The following FOXK1 variants were observed in gnomAD, a reference collection of about 807,000 sequenced individuals.
FOXK1 encodes forkhead box K1, also known as forkhead box protein K1.
In FOXK1, 19 loss-of-function variants were observed where a neutral mutation model predicts 51.9. The observed-to-expected ratio is 0.37, with a 90% confidence interval of 0.26 to 0.54. The LOEUF is 0.54. Among genes scored for constraint, FOXK1 ranks in the 20% least tolerant of loss-of-function variants. The probability of loss-of-function intolerance (pLI) is 0.87; values close to 1 mark genes in which losing one functional copy is unlikely to be tolerated. For synonymous variants in FOXK1, 537 were observed against 482.6 expected (o/e 1.11, Z -1.48); for missense variants, 870 against 1,032.7 (o/e 0.84, Z 2.16).
rs1488617283 is a variant in FOXK1, at chr7:4,707,725, C to T, written c.560+24857C>T. Reference sequence around the variant, plus strand: ...TTTGAGACGGACTCTCTCTCCGTTGCCCAGGCTGGAGTGCAGTGGCACGAT... The same window carrying T: ...TTTGAGACGGACTCTCTCTCCGTTGTCCAGGCTGGAGTGCAGTGGCACGAT... On this transcript the variant is annotated intron_variant, in intron 1 of 8. Transcript: ENST00000328914. The surrounding 1 kb of genome is among the most constrained non-coding windows in gnomAD (Gnocchi z 4.1). Among the ~76,000 whole-genome samples, 1 of 151,456 alleles carries T rather than the reference C, an allele frequency of 6.6e-6. No homozygotes were observed. The highest frequency in any genetic ancestry group is 1.9e-4 in the East Asian group (1 of 5,160).
rs1025684544 is a variant in FOXK1 at position 4,722,920 on chromosome 7, G to C, written c.561-17918G>C. On this transcript the variant is annotated intron_variant, in intron 1 of 8. Coordinates refer to ENST00000328914, the MANE Select transcript of FOXK1 (RefSeq NM_001037165.2). The surrounding 1 kb of genome is among the most constrained non-coding windows in gnomAD (Gnocchi z 5.1). ...GTGGGCAGAGCTGTTGATGGAAGAG[G>C]GTGTGGTCAGAGGCAGGGCAGTTAT... Among the ~76,000 whole-genome samples the C allele has an allele frequency of 2.6e-5, 4 of 152,012 alleles. No homozygotes were observed. The highest frequency in any genetic ancestry group is 9.7e-5 in the African/African-American group (4 of 41,380).
intron 1 of FOXK1, among the ~76,000 whole-genome samples, chr7:4,705,617 A>C (rs1484228767): frequency 7.1e-6 from 1 of 141,844 alleles, no homozygotes; most frequent in Non-Finnish European, 1.5e-5. Flanking sequence ...GTTCACGGCA[A>C]CCTCTGCTTC....
rs1780042071 is a variant in FOXK1 at position 4,703,229 on chromosome 7, T to C, written c.560+20361T>C. On this transcript the variant is annotated intron_variant, in intron 1 of 8. Coordinates refer to ENST00000328914, the MANE Select transcript of FOXK1 (RefSeq NM_001037165.2). The surrounding 1 kb of genome is among the most constrained non-coding windows in gnomAD (Gnocchi z 5.6). ...CGAGGTCTAAGTTACAGGCAGGAGC[T>C]GGCAATGAGGAGTCAGGGAGACAGA... Among the ~76,000 whole-genome samples the C allele has an allele frequency of 1.3e-5, 2 of 151,638 alleles. No homozygotes were observed. Among genetic ancestry groups the C allele is most frequent in the South Asian group, 4.2e-4 (2 of 4,808 alleles).
rs530824719 is a variant in FOXK1, at chr7:4,734,947, C to G, written c.561-5891C>G. Among the ~76,000 whole-genome samples the G allele has an allele frequency of 6.6e-6, 1 of 152,190 alleles. No individual in the cohort carries two copies. ...CCTCCGGAAGCTTTCACGGGCTCTT[C>G]CTTCCCTCTCTGATTATTTCTCTGA... On this transcript the variant is annotated intron_variant, in intron 1 of 8. Coordinates refer to ENST00000328914, the MANE Select transcript of FOXK1 (RefSeq NM_001037165.2). This position sits in a 1 kb window ranked among gnomAD's most constrained non-coding sequence, Gnocchi z 5.2.
chr7:4,732,019 C>A (rs2115055565), intron 1 of FOXK1, among the ~76,000 whole-genome samples: 1 of 152,354 alleles, frequency 6.6e-6, no homozygotes, highest in Middle Eastern at 3.4e-3. Context: ...GGCATCTGAG[C>A]AGCCCAGGCT....
Position 4,706,023 on chromosome 7 carries a change from CGTGTAT to C in FOXK1, c.560+23156_560+23161del, listed in dbSNP as rs549022674. 2.7e-4 allele frequency among the ~76,000 whole-genome samples: 25 copies of C among 92,954 alleles called. 1 individual carries two copies. Among genetic ancestry groups the C allele is most frequent in the Middle Eastern group, 5.3e-3 (1 of 190 alleles). The allele number at this position is 92,954 out of a possible 152,430, so 61.0% of individuals were successfully genotyped here. On this transcript the variant is annotated intron_variant, in intron 1 of 8. Coordinates refer to ENST00000328914, the MANE Select transcript of FOXK1 (RefSeq NM_001037165.2). ...ATATACGTATATATACGTATATATA[CGTGTAT>C]ATACGTGTATATACGTGTATATATG...
At chr7:4,744,297 A>T (rs984558416) in intron 2 of FOXK1, among the ~76,000 whole-genome samples, 4 of 152,108 alleles carry the variant, frequency 2.6e-5, no homozygotes, top group African/African-American at 9.7e-5. Flanking sequence ...GTACACGTGC[A>T]TATTTGTGAC....
In FOXK1 at chr7:4,767,223, G is replaced by A. The variant is rs980507583; in HGVS notation, c.*4759G>A. 8.5e-5 allele frequency: 13 copies of A among 152,448 alleles called. No individual in the cohort carries two copies. The highest frequency in any genetic ancestry group is 2.9e-4 in the African/African-American group (12 of 41,592). The allele number at this position is 152,448 out of a possible 1,614,324, so 9.4% of individuals were successfully genotyped here. On this transcript the variant is annotated 3_prime_UTR_variant, in exon 9 of 9. Transcript: ENST00000328914. The surrounding 1 kb of genome is among the most constrained non-coding windows in gnomAD (Gnocchi z 6.6). ...AAAGCCCCCCTAAAAAAAGGCTTCA[G>A]AGTCACCGGCATGCCGCCTCACGTT...
At chr7:4,751,288 TTGGGATTACCAATCCCAAAGCAC>T (rs1562388889) in intron 2 of FOXK1, among the ~76,000 whole-genome samples, 1 of 146,592 alleles carries the variant, frequency 6.8e-6, no homozygotes, top group East Asian at 2.1e-4. Flanking sequence ...CCCAAAAGCA[TTGGGATTACCAATCCCAAAGCAC>T]TGGGATTACA....
chr7:4,750,459 T>C (rs962912325), intron 2 of FOXK1, among the ~76,000 whole-genome samples: 19 of 151,954 alleles, frequency 1.3e-4, no homozygotes, highest in African/African-American at 4.3e-4. Flanking sequence ...TTTTTTTTTT[T>C]TGAGACAGAA....
rs555304305 is a variant in FOXK1 at position 4,703,292 on chromosome 7, G to A, written c.560+20424G>A. On this transcript the variant is annotated intron_variant, in intron 1 of 8. Transcript: ENST00000328914. This position sits in a 1 kb window ranked among gnomAD's most constrained non-coding sequence, Gnocchi z 5.6. ...GGGCCTCTCCGCTCTGGGGTGAGGGGAGGGAGGGGGAGGACCCGAGGGGGC... is the reference window on the plus strand; with the variant it reads ...GGGCCTCTCCGCTCTGGGGTGAGGGAAGGGAGGGGGAGGACCCGAGGGGGC... 6.6e-6 allele frequency among the ~76,000 whole-genome samples: 1 copy of A among 152,348 alleles called. No individual in the cohort carries two copies. The highest frequency in any genetic ancestry group is 1.9e-4 in the East Asian group (1 of 5,172).
intron 1 of FOXK1, among the ~76,000 whole-genome samples, chr7:4,712,388 GT>G (rs1562375489): frequency 1.3e-5 from 2 of 152,126 alleles, no homozygotes; most frequent in Non-Finnish European, 2.9e-5. Context: ...AGGATTGACC[GT>G]TCCTTGGAGT....
intron 1 of FOXK1, among the ~76,000 whole-genome samples, chr7:4,720,922 GAAAAA>G (rs537322235): frequency 6.8e-6 from 1 of 147,508 alleles, no homozygotes; most frequent in Admixed American, 6.7e-5. Flanking sequence ...ATCCATAAAA[GAAAAA>G]AAAAACTCAA....
At chr7:4,705,909 A>G (rs568342008) in intron 1 of FOXK1, among the ~76,000 whole-genome samples, 1 of 149,074 alleles carries the variant, frequency 6.7e-6, no homozygotes, top group African/African-American at 2.5e-5. Flanking sequence ...TTTAGGTTAT[A>G]TATCTATATA....
rs1198097362 is a variant in FOXK1 at position 4,757,017 on chromosome 7, T to A, written c.1074T>A (p.Ser358=). ...GWQNSIRHNL[S]LNRYFIKVPR... ...AGAATTCTATCCGGCACAACCTCTC[T>A]TTGAACCGTTACTTTATCAAAGTCC... Residue 358 remains serine, a synonymous_variant, in exon 5 of 9, where the codon TCT becomes TCA. Coordinates refer to ENST00000328914, the MANE Select transcript of FOXK1 (RefSeq NM_001037165.2). 1.7e-5 allele frequency: 27 copies of A among 1,613,712 alleles called. No homozygotes were observed. Among genetic ancestry groups the A allele is most frequent in the Non-Finnish European group, 2.2e-5 (26 of 1,180,004 alleles).
chr7:4,719,028 C>A (rs913976829), intron 1 of FOXK1, among the ~76,000 whole-genome samples: 2 of 152,122 alleles, frequency 1.3e-5, no homozygotes, highest in African/African-American at 4.8e-5. Flanking sequence ...AGTCTGATCT[C>A]GAACTCCCAA....
intron 1 of FOXK1, among the ~76,000 whole-genome samples, chr7:4,716,644 C>T (rs1455770856): frequency 6.6e-6 from 1 of 152,228 alleles, no homozygotes; most frequent in Non-Finnish European, 1.5e-5. Context: ...CTGGGTCCTT[C>T]TCAAGACCCA....
At position 4,761,049 on chromosome 7, in the gene FOXK1, G is replaced by A; in HGVS notation, c.1697-15G>A. The A allele has an allele frequency of 6.2e-7, 1 of 1,606,010 alleles. No homozygotes were observed. The highest frequency in any genetic ancestry group is 1.3e-5 in the African/African-American group (1 of 74,886). On this transcript the variant is annotated splice_polypyrimidine_tract_variant and intron_variant, in intron 7 of 8. Transcript: ENST00000328914. This position sits in a 1 kb window ranked among gnomAD's most constrained non-coding sequence, Gnocchi z 6.2. ...GTTGGCCGAGTGTGGTGCTGACTTG[G>A]TTCCTGTCCCGCAGGCCTGGAGGAG...
chr7:4,752,806 C>T (rs1472631514), intron 2 of FOXK1, among the ~76,000 whole-genome samples: 2 of 152,196 alleles, frequency 1.3e-5, no homozygotes, highest in Admixed American at 6.5e-5. Flanking sequence ...GTCTGCAGCC[C>T]CTCCGGCCAT....
Sources: allele counts gnomAD v4.1 joint callset (sites outside exome capture counted in the v4.1 genomes callset), GRCh38; gene constraint gnomAD v4.1.1; non-coding constraint Gnocchi (gnomAD v3.1); transcripts MANE v1.5; gene names NCBI Gene and HGNC (gene_info 2026-07-23, HGNC 2026-07-21).